The following XKR4 variants were observed in gnomAD, a reference collection of about 807,000 sequenced individuals.
XKR4 encodes XK related 4, also known as XK-related protein 4.
A neutral mutation model predicts 53.9 loss-of-function variants in XKR4; 12 were observed. That is an observed-to-expected ratio of 0.22 (90% confidence interval 0.14 to 0.36). The LOEUF (loss-of-function observed/expected upper bound fraction) is 0.36, where lower values mean the gene tolerates loss of function less well. Among genes scored for constraint, XKR4 ranks in the 10% least tolerant of loss-of-function variants. The pLI is 1.00. For missense variants in XKR4, 799 were observed against 859.5 expected (o/e 0.93, Z 0.88); for synonymous variants, 354 against 362.4 (o/e 0.98, Z 0.26).
At chr8:55,174,889 A>G (rs1431824673) in intron 1 of XKR4, among the ~76,000 whole-genome samples, 2 of 152,206 alleles carry the variant, frequency 1.3e-5, no homozygotes, top group African/African-American at 4.8e-5. Context: ...ATCCCATATC[A>G]TGGCCTGTTT....
intron 1 of XKR4, among the ~76,000 whole-genome samples, chr8:55,199,916 G>C (rs1254604858): frequency 1.3e-5 from 2 of 152,184 alleles, no homozygotes; most frequent in Non-Finnish European, 2.9e-5. Context: ...AGAAACCAAA[G>C]CTTAAAAAGG....
intron 2 of XKR4, chr8:55,449,871 G>T (rs988015846): frequency 1.7e-5 from 16 of 937,850 alleles, no homozygotes; most frequent in African/African-American, 6.4e-5. Context: ...TGGCTGTAAG[G>T]GTGCTGGTGC....
intron 1 of XKR4, among the ~76,000 whole-genome samples, chr8:55,302,443 T>G (rs1455115110): frequency 6.6e-6 from 1 of 152,200 alleles, no homozygotes; most frequent in Non-Finnish European, 1.5e-5. Context: ...GCCTCCAGCT[T>G]TGTTCTTTTG....
intron 2 of XKR4, among the ~76,000 whole-genome samples, chr8:55,439,337 A>AAATTCTCTTAACAGGG (rs1554525639): frequency 6.6e-6 from 1 of 151,134 alleles, no homozygotes; most frequent in Non-Finnish European, 1.5e-5. Flanking sequence ...TTCCCAATCA[A>AAATTCTCTTAACAGGG]AATTCTCTAA....
chr8:55,481,902 C>G (rs1191288601), intron 2 of XKR4, among the ~76,000 whole-genome samples: 4 of 152,044 alleles, frequency 2.6e-5, no homozygotes, highest in African/African-American at 7.2e-5. Flanking sequence ...AACAACAGGT[C>G]CTGTAAAGGA....
rs1321371450 is a variant in XKR4 at position 55,419,518 on chromosome 8, G to A, written c.1006+61641G>A. 7.9e-5 allele frequency among the ~76,000 whole-genome samples: 12 copies of A among 152,124 alleles called. No homozygotes were observed. In the East Asian group the frequency reaches 2.3e-3, roughly 29 times the overall value. On this transcript the variant is annotated intron_variant, in intron 2 of 2. Coordinates refer to ENST00000327381, the MANE Select transcript of XKR4 (RefSeq NM_052898.2). ...ACCGTTTTCACTTTCATGTTTTGTT[G>A]TTACTACTGAAATTGTATTCAAATA...
intron 1 of XKR4, chr8:55,273,046 G>A: frequency 1.4e-5 from 5 of 353,160 alleles, no homozygotes; most frequent in Admixed American, 4.1e-5. Context: ...TCCATTCAAT[G>A]GAAGAAAACA....
At chr8:55,324,127 G>A (rs561318663) in intron 1 of XKR4, among the ~76,000 whole-genome samples, 1 of 152,230 alleles carries the variant, frequency 6.6e-6, no homozygotes, top group East Asian at 1.9e-4. Context: ...ACAAGGTCTT[G>A]CTCTGTCACC....
intron 2 of XKR4, among the ~76,000 whole-genome samples, chr8:55,383,656 G>C (rs1804266686): frequency 6.6e-6 from 1 of 152,148 alleles, no homozygotes. Flanking sequence ...AATTAGAACA[G>C]TGTTCTAATT....
intron 2 of XKR4, among the ~76,000 whole-genome samples, chr8:55,434,866 C>G (rs978762414): frequency 2.0e-5 from 3 of 152,226 alleles, no homozygotes; most frequent in African/African-American, 7.2e-5. Context: ...AAAGGCTACA[C>G]AGGGGCACAC....
chr8:55,296,502 C>A (rs1402807131), intron 1 of XKR4, among the ~76,000 whole-genome samples: 1 of 152,044 alleles, frequency 6.6e-6, no homozygotes, highest in Non-Finnish European at 1.5e-5. Context: ...CCTTTTGCAC[C>A]TTTTTCCATC....
chr8:55,446,062 G>A (rs1355366575), intron 2 of XKR4, among the ~76,000 whole-genome samples: 2 of 152,178 alleles, frequency 1.3e-5, no homozygotes, highest in South Asian at 2.1e-4. Context: ...TTCCCAACCT[G>A]TAGCCTGTGT....
intron 1 of XKR4, among the ~76,000 whole-genome samples, chr8:55,318,195 C>T (rs1308741377): frequency 6.6e-6 from 1 of 152,104 alleles, no homozygotes; most frequent in Non-Finnish European, 1.5e-5. Context: ...CTAAAAATTA[C>T]CCTGACTGGC....
At position 55,102,421 on chromosome 8, in the gene XKR4, G is replaced by A; in HGVS notation, c.-68G>A. On this transcript the variant is annotated 5_prime_UTR_variant, in exon 1 of 3. Transcript: ENST00000327381. This position sits in a 1 kb window ranked among gnomAD's most constrained non-coding sequence, Gnocchi z 5.1. ...GGAAGCCGGGGCGAGGCGAGGAGGT[G>A]GCGGGAGGAGGAGACAGCGGGGAAA... The A allele has an allele frequency of 6.8e-7, 1 of 1,476,360 alleles. No homozygotes were observed. The highest frequency in any genetic ancestry group is 9.1e-7 in the Non-Finnish European group (1 of 1,102,718). The allele number at this position is 1,476,360 out of a possible 1,614,324, so 91.5% of individuals were successfully genotyped here. A position where few individuals can be genotyped will look rare whatever the true frequency, so the allele number is the denominator to read the frequency against.
intron 2 of XKR4, among the ~76,000 whole-genome samples, chr8:55,409,964 C>G (rs998968746): frequency 4.6e-5 from 7 of 152,116 alleles, no homozygotes; most frequent in Admixed American, 2.0e-4. Flanking sequence ...CCCAGCTACA[C>G]AGAAGCACAT....
chr8:55,355,973 CA>C (rs1299491598), intron 1 of XKR4, among the ~76,000 whole-genome samples: 1 of 152,134 alleles, frequency 6.6e-6, no homozygotes, highest in Non-Finnish European at 1.5e-5. Context: ...TCTGTGTAAC[CA>C]AAAGAACCTA....
chr8:55,496,259 C>T (rs1172316247), intron 2 of XKR4, among the ~76,000 whole-genome samples: 1 of 152,202 alleles, frequency 6.6e-6, no homozygotes, highest in Non-Finnish European at 1.5e-5. Flanking sequence ...GGAAACCTTT[C>T]TATAGTCAAC....
chr8:55,145,203 C>T (rs1003991894), intron 1 of XKR4, among the ~76,000 whole-genome samples: 9 of 152,082 alleles, frequency 5.9e-5, no homozygotes, highest in South Asian at 2.1e-4. Context: ...TCATAGAACA[C>T]GCCTACTCAT....
intron 2 of XKR4, among the ~76,000 whole-genome samples, chr8:55,389,182 T>G (rs1043364540): frequency 5.3e-5 from 8 of 152,322 alleles, no homozygotes; most frequent in African/African-American, 1.9e-4. Context: ...TCTCCAGCAC[T>G]TCCAAAGAGT....
Sources: gnomAD v4.1 joint callset for allele counts (sites outside exome capture counted in the v4.1 genomes callset) on GRCh38, gnomAD v4.1.1 for gene constraint, Gnocchi (gnomAD v3.1) non-coding constraint, MANE v1.5 for transcripts, NCBI Gene and HGNC (gene_info 2026-07-23, HGNC 2026-07-21) for gene names.